The following SESN3 variants were observed in gnomAD, a reference collection of about 807,000 sequenced individuals.
SESN3 encodes the protein sestrin 3.
In SESN3, 21 loss-of-function variants were observed where a neutral mutation model predicts 55.3. The ratio of observed to expected loss-of-function variants is 0.38; its 90% CI spans 0.27 to 0.55. The LOEUF (loss-of-function observed/expected upper bound fraction) is 0.55. SESN3 is among the 20% of genes least tolerant of loss of function. The pLI, the probability that SESN3 is intolerant of heterozygous loss-of-function variation, is 0.76. For synonymous variants in SESN3, 181 were observed against 203.1 expected (o/e 0.89, Z 0.93); for missense variants, 408 against 604.3 (o/e 0.68, Z 3.41).
At chr11:95,221,462 T>C (rs1860858002) in intron 1 of SESN3, among the ~76,000 whole-genome samples, 1 of 152,340 alleles carries the variant, frequency 6.6e-6, no homozygotes, top group East Asian at 1.9e-4. Context: ...TAGTTCCATC[T>C]TCTCAGTATA....
chr11:95,215,277 A>G (rs1860731198), intron 1 of SESN3, among the ~76,000 whole-genome samples: 1 of 150,236 alleles, frequency 6.7e-6, no homozygotes, highest in South Asian at 2.1e-4. Context: ...GTGGGGTAAT[A>G]ATCTAACAAA....
intron 6 of SESN3, among the ~76,000 whole-genome samples, chr11:95,183,301 T>C (rs138485094): frequency 6.6e-6 from 1 of 152,220 alleles, no homozygotes; most frequent in Non-Finnish European, 1.5e-5. Flanking sequence ...ATTAAATTAA[T>C]TGAAAGGATT....
chr11:95,173,268 C>T lies in SESN3; in HGVS notation c.1466G>A (p.Arg489Gln), dbSNP rs769810246. The T allele has an allele frequency of 1.3e-6, 2 of 1,571,548 alleles. No individual in the cohort carries two copies. Among genetic ancestry groups the T allele is most frequent in the Admixed American group, 1.7e-5 (1 of 59,724 alleles). The change falls in exon 10 of 10, where the codon CGG becomes CAG. Residue 489 changes from arginine to glutamine, a missense_variant. Physicochemically the swap from Arg to Gln is conservative, Grantham distance 43. Coordinates refer to ENST00000536441, the MANE Select transcript of SESN3 (RefSeq NM_144665.4). ...ELLYALRAIT[R>Q]HLT ...TTGGGTGATACTTCAGGTCAAATGC[C>T]GAGTTATGGCACGAAGAGCATAAAG... is the stretch of plus-strand genomic sequence containing the variant.
At chr11:95,218,644 CCTCT>C (rs1860803524) in intron 1 of SESN3, among the ~76,000 whole-genome samples, 1 of 148,076 alleles carries the variant, frequency 6.8e-6, no homozygotes, top group Non-Finnish European at 1.5e-5. Context: ...ATAGATTTAC[CCTCT>C]TTTTTTTTTT....
chr11:95,228,678 A>G (rs755358354), intron 1 of SESN3, among the ~76,000 whole-genome samples: 10 of 152,236 alleles, frequency 6.6e-5, no homozygotes, highest in Non-Finnish European at 1.3e-4. Flanking sequence ...AAGTCATGTT[A>G]TAACTGGCTC....
At chr11:95,210,431 G>T (rs1480485423) in intron 1 of SESN3, among the ~76,000 whole-genome samples, 1 of 152,174 alleles carries the variant, frequency 6.6e-6, no homozygotes, top group Non-Finnish European at 1.5e-5. Context: ...TTACTGCAAG[G>T]CCTACAGCCT....
At chr11:95,219,919 T>C (rs1245758535) in intron 1 of SESN3, among the ~76,000 whole-genome samples, 1 of 152,170 alleles carries the variant, frequency 6.6e-6, no homozygotes, top group African/African-American at 2.4e-5. Context: ...TGCCTGAACA[T>C]ACCTGTAATA....
At chr11:95,177,346 A>G (rs1190554213) in intron 8 of SESN3, among the ~76,000 whole-genome samples, 1 of 152,202 alleles carries the variant, frequency 6.6e-6, no homozygotes, top group Non-Finnish European at 1.5e-5. Flanking sequence ...AGTTTTAAAA[A>G]GACCAAACTA....
At chr11:95,181,129 A>G (rs941557740) in intron 6 of SESN3, among the ~76,000 whole-genome samples, 2 of 152,110 alleles carry the variant, frequency 1.3e-5, no homozygotes, top group African/African-American at 4.8e-5. Flanking sequence ...TTGACACTGC[A>G]CAACCAAATG....
chr11:95,180,524 G>A (rs765211121), intron 6 of SESN3, among the ~76,000 whole-genome samples: 3 of 151,860 alleles, frequency 2.0e-5, no homozygotes, highest in Non-Finnish European at 4.4e-5. Flanking sequence ...GAAAAGAGAC[G>A]GTGTTTACTG....
chr11:95,171,452 G>C lies in SESN3; in HGVS notation c.*1803C>G, dbSNP rs1440706599. 6.6e-6 allele frequency: 1 copy of C among 152,040 alleles called. No homozygotes were observed. The highest frequency in any genetic ancestry group is 1.5e-5 in the Non-Finnish European group (1 of 67,980). The allele number at this position is 152,040 out of a possible 1,614,324, so 9.4% of individuals were successfully genotyped here. A position where few individuals can be genotyped will look rare whatever the true frequency, so the allele number is the denominator to read the frequency against. ...ATGCAGAACTACCTTATGTTAATAAGTATACAGTCATATTTGTTTTCCTAT... is the reference window on the plus strand; with the variant it reads ...ATGCAGAACTACCTTATGTTAATAACTATACAGTCATATTTGTTTTCCTAT... On this transcript the variant is annotated 3_prime_UTR_variant, in exon 10 of 10. Coordinates refer to ENST00000536441, the MANE Select transcript of SESN3 (RefSeq NM_144665.4).
chr11:95,195,544 T>TATAC (rs562889595), intron 1 of SESN3, among the ~76,000 whole-genome samples: 41 of 152,308 alleles, frequency 2.7e-4, no homozygotes, highest in Middle Eastern at 3.4e-3. Flanking sequence ...GCGTATGACA[T>TATAC]ATACCATCGC....
chr11:95,223,800 T>TA (rs2134270031), intron 1 of SESN3, among the ~76,000 whole-genome samples: 1 of 151,936 alleles, frequency 6.6e-6, no homozygotes, highest in Non-Finnish European at 1.5e-5. Context: ...AACCCCTTCA[T>TA]AAATGTCTTG....
chr11:95,218,788 C>G (rs1860807984), intron 1 of SESN3, among the ~76,000 whole-genome samples: 1 of 151,922 alleles, frequency 6.6e-6, no homozygotes, highest in Non-Finnish European at 1.5e-5. Context: ...GTAGCTGGGA[C>G]TACAGGCGCC....
intron 1 of SESN3, among the ~76,000 whole-genome samples, chr11:95,217,105 CA>C (rs61672704): frequency 0.025 from 2,680 of 106,568 alleles, 28 homozygotes; most frequent in Middle Eastern, 0.048. Context: ...GACTCTGTCT[CA>C]AAAAAAAAAA....
At chr11:95,180,042 G>A (rs927250934) in intron 6 of SESN3, among the ~76,000 whole-genome samples, 15 of 152,030 alleles carry the variant, frequency 9.9e-5, no homozygotes, top group African/African-American at 3.6e-4. Context: ...ACCATTAAAA[G>A]GGAATGAACA....
intron 1 of SESN3, among the ~76,000 whole-genome samples, chr11:95,225,586 G>A (rs545069414): frequency 6.6e-6 from 1 of 152,228 alleles, no homozygotes; most frequent in East Asian, 1.9e-4. Context: ...AGAATTAAAT[G>A]GATTTCTTTG....
chr11:95,194,695 A>G (rs1300879512), intron 1 of SESN3, among the ~76,000 whole-genome samples: 2 of 152,140 alleles, frequency 1.3e-5, no homozygotes, highest in Non-Finnish European at 2.9e-5. Context: ...AAGAGGATGA[A>G]GTCAGGATTC....
intron 1 of SESN3, among the ~76,000 whole-genome samples, chr11:95,215,954 C>T (rs547610768): frequency 6.6e-5 from 10 of 151,812 alleles, no homozygotes; most frequent in Non-Finnish European, 1.3e-4. Flanking sequence ...AAAAATTAGC[C>T]GGGCATGGTG....
Sources: gnomAD v4.1 joint callset for allele counts (sites outside exome capture counted in the v4.1 genomes callset) on GRCh38, gnomAD v4.1.1 for gene constraint, MANE v1.5 for transcripts, NCBI Gene and HGNC (gene_info 2026-07-23, HGNC 2026-07-21) for gene names.